COL21A1: variants seen among roughly 807,000 people sequenced by gnomAD.
The protein encoded by COL21A1 is collagen type XXI alpha 1 chain.
Under a neutral mutation model 137.9 loss-of-function variants are expected in COL21A1, and 149 were observed. The observed-to-expected ratio is 1.08, with a 90% CI of 0.95 to 1.24. The LOEUF (loss-of-function observed/expected upper bound fraction) is 1.24, where lower values mean the gene tolerates loss of function less well. Among genes scored for constraint, COL21A1 ranks in the 50% most tolerant of loss-of-function variants. The pLI, the probability that COL21A1 is intolerant of heterozygous loss-of-function variation, is 0.00. For missense variants in COL21A1, 1,167 were observed against 1,158.4 expected, an observed-to-expected ratio of 1.01 and a Z score of -0.11; for synonymous variants, 456 against 391.5, an observed-to-expected ratio of 1.16 and a Z score of -1.95.
intron 1 of COL21A1, among the ~76,000 whole-genome samples, chr6:56,371,102 C>A (rs2093987847): frequency 6.6e-6 from 1 of 152,180 alleles, no homozygotes; most frequent in African/African-American, 2.4e-5. Context: ...TGAAAACCCT[C>A]CAGGTTCAAA....
At chr6:56,278,820 T>C (rs1178580885) in intron 1 of COL21A1, among the ~76,000 whole-genome samples, 2 of 152,196 alleles carry the variant, frequency 1.3e-5, no homozygotes, top group Non-Finnish European at 2.9e-5. Context: ...TATGCAAATA[T>C]CTTCATCTCT....
chr6:56,106,896 C>G (rs965118219), intron 16 of COL21A1, among the ~76,000 whole-genome samples: 12 of 152,190 alleles, frequency 7.9e-5, no homozygotes, highest in African/African-American at 2.9e-4. Context: ...ACGCCATTCT[C>G]CTGCCTCAGC....
At chr6:56,244,937 CAT>C (rs1782559071) in intron 1 of COL21A1, among the ~76,000 whole-genome samples, 1 of 152,128 alleles carries the variant, frequency 6.6e-6, no homozygotes, top group African/African-American at 2.4e-5. Context: ...TGATTGTATG[CAT>C]GTGTGTGTGA....
chr6:56,129,934 T>C (rs931775348), intron 12 of COL21A1, among the ~76,000 whole-genome samples: 1 of 150,702 alleles, frequency 6.6e-6, no homozygotes, highest in African/African-American at 2.4e-5. Flanking sequence ...CCAAACTACC[T>C]TTTGAATATA....
At chr6:56,061,378 T>C (rs1765786258) in intron 25 of COL21A1, among the ~76,000 whole-genome samples, 2 of 152,092 alleles carry the variant, frequency 1.3e-5, no homozygotes, top group Non-Finnish European at 2.9e-5. Flanking sequence ...GATACAGAAA[T>C]GTACAATATT....
intron 3 of COL21A1, among the ~76,000 whole-genome samples, chr6:56,177,791 C>CAAA (rs3065941): frequency 0.02 from 1,343 of 67,874 alleles, 98 homozygotes; most frequent in Middle Eastern, 0.042. Flanking sequence ...GACTCTGCCT[C>CAAA]AAAAAAAAAA....
chr6:56,303,158 T>C (rs1363124993), intron 1 of COL21A1, among the ~76,000 whole-genome samples: 2 of 152,226 alleles, frequency 1.3e-5, no homozygotes, highest in African/African-American at 4.8e-5. Context: ...TGAAGTCAGG[T>C]AGCGTGATGC....
chr6:56,141,485 C>T (rs892643387), intron 12 of COL21A1, among the ~76,000 whole-genome samples: 1 of 152,162 alleles, frequency 6.6e-6, no homozygotes, highest in Non-Finnish European at 1.5e-5. Context: ...TAACACTTTC[C>T]TTTCACATAA....
Position 56,075,538 on chromosome 6 carries a change from A to C in COL21A1, c.1858-6T>G. ...CCTGGAGGCCCAATTTCTCCCTAAA[A>C]AAATCAAACATTAAAAACATTATAA... On this transcript the variant is annotated splice_polypyrimidine_tract_variant and splice_region_variant and intron_variant, in intron 18 of 29. Transcript: ENST00000244728. The C allele has an allele frequency of 1.3e-6, 2 of 1,511,618 alleles. No homozygotes were observed. Among genetic ancestry groups the C allele is most frequent in the Non-Finnish European group, 1.8e-6 (2 of 1,129,300 alleles). 93.6% of individuals were successfully genotyped at this position (1,511,618 alleles called of 1,614,324 possible). A position where few individuals can be genotyped will look rare whatever the true frequency, so the allele number is the denominator to read the frequency against.
chr6:56,106,540 T>A (rs1306030114), intron 16 of COL21A1, among the ~76,000 whole-genome samples: 1 of 152,138 alleles, frequency 6.6e-6, no homozygotes, highest in Non-Finnish European at 1.5e-5. Flanking sequence ...CTAACTTCAT[T>A]ATACATAAAA....
intron 1 of COL21A1, among the ~76,000 whole-genome samples, chr6:56,263,514 T>A (rs1486978579): frequency 1.3e-5 from 2 of 152,214 alleles, no homozygotes; most frequent in Non-Finnish European, 2.9e-5. Context: ...CGTTGGAAGC[T>A]TGCCATCTTC....
intron 9 of COL21A1, 56 bp from the exon 10 acceptor site, chr6:56,157,005 G>C: frequency 8.1e-7 from 1 of 1,228,634 alleles, no homozygotes; most frequent in Non-Finnish European, 1.2e-6. Context: ...CATTGGTGCA[G>C]TCAGGATCAA....
chr6:56,168,094 A>G (rs1776729655), intron 6 of COL21A1, 30 bp downstream of exon 6: 2 of 1,385,464 alleles, frequency 1.4e-6, no homozygotes, highest in Admixed American at 2.5e-5. Context: ...CATTCTATAT[A>G]ATTCAAAGAG....
intron 1 of COL21A1, among the ~76,000 whole-genome samples, chr6:56,304,893 C>T (rs1229319966): frequency 6.6e-6 from 1 of 152,194 alleles, no homozygotes; most frequent in Non-Finnish European, 1.5e-5. Context: ...TCCCTCTACA[C>T]ACTGCTTTGA....
At chr6:56,138,055 T>C (rs1774132945) in intron 12 of COL21A1, among the ~76,000 whole-genome samples, 1 of 152,042 alleles carries the variant, frequency 6.6e-6, no homozygotes, top group Non-Finnish European at 1.5e-5. Context: ...TAAAGGAAAT[T>C]GCAGTTTTTG....
At chr6:56,159,072 T>G (rs1471379672) in intron 9 of COL21A1, among the ~76,000 whole-genome samples, 1 of 152,202 alleles carries the variant, frequency 6.6e-6, no homozygotes, top group East Asian at 1.9e-4. Flanking sequence ...ATCCATGTGC[T>G]GATTGGACTT....
intron 1 of COL21A1, among the ~76,000 whole-genome samples, chr6:56,359,887 A>G (rs1237846374): frequency 6.6e-6 from 1 of 152,144 alleles, no homozygotes; most frequent in Non-Finnish European, 1.5e-5. Flanking sequence ...ATATTCCTTA[A>G]TCTAATTTGT....
chr6:56,108,126 C>G (rs536245772), intron 16 of COL21A1, among the ~76,000 whole-genome samples: 8 of 151,898 alleles, frequency 5.3e-5, no homozygotes, highest in African/African-American at 1.9e-4. Flanking sequence ...ATAAATTTTC[C>G]TAAATCCCAA....
chr6:56,297,917 G>C (rs1305290274), intron 1 of COL21A1, among the ~76,000 whole-genome samples: 2 of 151,986 alleles, frequency 1.3e-5, no homozygotes, highest in South Asian at 2.1e-4. Flanking sequence ...ATTCTGCACT[G>C]TTCATTCTTT....
Sources: gnomAD v4.1 joint callset for allele counts (sites outside exome capture counted in the v4.1 genomes callset) on GRCh38, gnomAD v4.1.1 for gene constraint, MANE v1.5 for transcripts, NCBI Gene and HGNC (gene_info 2026-07-23, HGNC 2026-07-21) for gene names.